The following FGF13 variants were observed in gnomAD, a reference collection of about 807,000 sequenced individuals.
The protein encoded by FGF13 is fibroblast growth factor 13, also known as fibroblast growth factor homologous factor 2.
FGF13 carries 2 observed loss-of-function variants against 19.5 expected under a neutral mutation model. The ratio of observed to expected loss-of-function variants is 0.10; its 90% CI spans 0.04 to 0.32. FGF13 has a LOEUF of 0.32. FGF13 is among the 10% of genes least tolerant of loss of function. The pLI, the probability that FGF13 is intolerant of heterozygous loss-of-function variation, is 1.00. For missense variants in FGF13, 113 were observed against 192.7 expected (o/e 0.59, Z 2.45); for synonymous variants, 72 against 76.9 (o/e 0.94, Z 0.33).
intron 3 of FGF13, among the ~76,000 whole-genome samples, chrX:138,772,016 G>GTATA (rs2090548554): frequency 2.9e-5 from 1 of 34,978 alleles, no homozygotes; most frequent in Non-Finnish European, 5.2e-5. Flanking sequence ...AGATACATAT[G>GTATA]TGTATATATA....
At chrX:138,904,784 C>T (rs749205959) in intron 1 of FGF13, among the ~76,000 whole-genome samples, 9 of 111,221 alleles carry the variant, frequency 8.1e-5, no homozygotes, top group Admixed American at 1.9e-4. Context: ...GGGACATGCG[C>T]GCTCCAAGAG....
intron 2 of FGF13, among the ~76,000 whole-genome samples, chrX:138,704,109 A>C (rs2124238146): frequency 8.9e-6 from 1 of 112,531 alleles, no homozygotes; most frequent in African/African-American, 3.2e-5. Flanking sequence ...CATAGGAATA[A>C]AAATAATGAA....
At chrX:138,828,021 T>C (rs2091045498) in intron 3 of FGF13, among the ~76,000 whole-genome samples, 1 of 111,807 alleles carries the variant, frequency 8.9e-6, no homozygotes, top group Non-Finnish European at 1.9e-5. Context: ...ATGAATACAC[T>C]GGTGACGACA....
At chrX:138,750,487 A>T (rs1469047237) in intron 3 of FGF13, among the ~76,000 whole-genome samples, 1 of 110,527 alleles carries the variant, frequency 9.0e-6, no homozygotes, top group Non-Finnish European at 1.9e-5. Context: ...ACATTTGTAA[A>T]TGGGGGGGTG....
intron 3 of FGF13, among the ~76,000 whole-genome samples, chrX:138,694,027 A>G (rs942924035): frequency 8.9e-6 from 1 of 112,366 alleles, no homozygotes; most frequent in African/African-American, 3.2e-5. Context: ...AATATTTGCT[A>G]GAAGTACATT....
intron 1 of FGF13, among the ~76,000 whole-genome samples, chrX:139,045,996 G>A (rs2092286041): frequency 9.0e-6 from 1 of 111,501 alleles, no homozygotes; most frequent in African/African-American, 3.3e-5. Context: ...CCCCACTCGT[G>A]GTACCAATTT....
At chrX:138,913,722 G>C (rs2091604165) in intron 1 of FGF13, among the ~76,000 whole-genome samples, 1 of 108,154 alleles carries the variant, frequency 9.2e-6, no homozygotes, top group Non-Finnish European at 1.9e-5. Flanking sequence ...AACTATCAGG[G>C]CGAACAAGGA....
At chrX:138,717,754 C>T (rs2090119188) in intron 1 of FGF13, among the ~76,000 whole-genome samples, 2 of 111,492 alleles carry the variant, frequency 1.8e-5, no homozygotes, top group African/African-American at 3.3e-5. Context: ...GCTGGGACTA[C>T]GGGCACGTGC....
At chrX:138,825,766 G>A (rs1175867032) in intron 3 of FGF13, among the ~76,000 whole-genome samples, 2 of 112,064 alleles carry the variant, frequency 1.8e-5, no homozygotes, top group Non-Finnish European at 3.8e-5. Context: ...TTAATAGGCA[G>A]CCTCACTCTT....
At chrX:138,807,233 T>C (rs2090876407) in intron 3 of FGF13, 1 of 111,927 alleles carries the variant, frequency 8.9e-6, no homozygotes, top group South Asian at 3.8e-4. Context: ...TTTTCTATTA[T>C]TTTTACGTTT....
At chrX:138,679,258 T>C (rs1365688225) in intron 3 of FGF13, among the ~76,000 whole-genome samples, 1 of 109,902 alleles carries the variant, frequency 9.1e-6, no homozygotes, top group Non-Finnish European at 1.9e-5. Context: ...TTTTTTCTTT[T>C]TGTAGAGACA....
chrX:138,623,887 G>A lies in FGF13; in HGVS notation c.*8963C>T, dbSNP rs2124073320. The A allele has an allele frequency of 8.9e-6, 1 of 111,922 alleles. No individual in the cohort carries two copies. The highest frequency in any genetic ancestry group is 3.2e-5 in the African/African-American group (1 of 30,851). The allele number at this position is 111,922 out of a possible 1,213,427, so 9.2% of individuals were successfully genotyped here. On this transcript the variant is annotated 3_prime_UTR_variant, in exon 5 of 5. Transcript: ENST00000315930. ...CTTAGGAATAAGTTTAACCAAGGAG[G>A]TGAAAAATCTGTACATTAAAAACTA...
intron 3 of FGF13, among the ~76,000 whole-genome samples, chrX:138,828,150 A>G (rs899519609): frequency 1.7e-4 from 19 of 112,375 alleles, no homozygotes; most frequent in East Asian, 1.4e-3. Flanking sequence ...CTCAGAATTA[A>G]AAATACAGGA....
chrX:139,191,285 T>A (rs1382331325), intron 1 of FGF13, among the ~76,000 whole-genome samples: 2 of 112,483 alleles, frequency 1.8e-5, no homozygotes, highest in Non-Finnish European at 3.8e-5. Flanking sequence ...AGGTATTCAG[T>A]TTTGTCACTT....
Position 138,703,164 on chromosome X carries a change from C to T in FGF13, c.299-77G>A, listed in dbSNP as rs1012200499. On this transcript the variant is annotated intron_variant, in intron 2 of 4. Transcript: ENST00000315930. ...CTTTTCAATGTTTCCAGCAGGACTGCCTGGTCCTCCAAAAGTAGTGTGTAG... is the reference window on the plus strand; with the variant it reads ...CTTTTCAATGTTTCCAGCAGGACTGTCTGGTCCTCCAAAAGTAGTGTGTAG... The T allele has an allele frequency of 4.0e-6, 3 of 754,981 alleles. No homozygotes were observed. The Admixed American group carries it at 6.9e-5, about 17-fold the overall frequency. The allele number at this position is 754,981 out of a possible 1,213,427, so 62.2% of individuals were successfully genotyped here. A position where few individuals can be genotyped will look rare whatever the true frequency, so the allele number is the denominator to read the frequency against.
chrX:138,975,541 A>G (rs921978490), intron 1 of FGF13, among the ~76,000 whole-genome samples: 35 of 111,965 alleles, frequency 3.1e-4, no homozygotes, highest in African/African-American at 1.1e-3. Context: ...TAAAAAAAAA[A>G]AAGAAGAAGA....
rs1373131355 is a variant in FGF13 at position 138,984,551 on chromosome X, G to C, written c.-112-119901C>G. ...AGAAGAAGAAGAAGAAGAAGAAGAAGAAGAAGAAGAAGAAGAAGAAGAAGA... is the reference window on the plus strand; with the variant it reads ...AGAAGAAGAAGAAGAAGAAGAAGAACAAGAAGAAGAAGAAGAAGAAGAAGA... On this transcript the variant is annotated intron_variant, in intron 1 of 2. Coordinates refer to the FGF13 transcript ENST00000421460. 3.9e-3 allele frequency among the ~76,000 whole-genome samples: 146 copies of C among 37,320 alleles called. 1 individual carries two copies. Among genetic ancestry groups the C allele is most frequent in the African/African-American group, 0.013 (140 of 10,450 alleles). 32.4% of individuals were successfully genotyped at this position (37,320 alleles called of 115,157 possible).
chrX:139,065,170 G>A (rs1364044363), intron 1 of FGF13, among the ~76,000 whole-genome samples: 1 of 111,111 alleles, frequency 9.0e-6, no homozygotes, highest in African/African-American at 3.3e-5. Context: ...AACATGGAAA[G>A]GAACAATCAG....
At chrX:138,922,567 G>A (rs1048914176) in intron 1 of FGF13, among the ~76,000 whole-genome samples, 3 of 111,485 alleles carry the variant, frequency 2.7e-5, no homozygotes, top group Non-Finnish European at 5.7e-5. Context: ...CCTTCCAATT[G>A]TCCACTAGAC....
Sources: allele counts gnomAD v4.1 joint callset (sites outside exome capture counted in the v4.1 genomes callset), GRCh38; gene constraint gnomAD v4.1.1; transcripts MANE v1.5; gene names NCBI Gene and HGNC (gene_info 2026-07-23, HGNC 2026-07-21).